GRAMD4: variants seen among roughly 807,000 people sequenced by gnomAD.
GRAMD4 encodes GRAM domain containing 4.
Under a neutral mutation model 83.9 loss-of-function variants are expected in GRAMD4, and 25 were observed. The observed-to-expected ratio is 0.30, with a 90% CI of 0.22 to 0.42. The LOEUF (loss-of-function observed/expected upper bound fraction) is 0.42, where lower values mean the gene tolerates loss of function less well. Among genes scored for constraint, GRAMD4 ranks in the 10% least tolerant of loss-of-function variants. GRAMD4 has a pLI of 1.00. For missense variants in GRAMD4, 593 were observed against 788.7 expected (o/e 0.75, Z 2.97); for synonymous variants, 336 against 320.9 (o/e 1.05, Z -0.50).
intron 6 of GRAMD4, 26 bp from the exon 7 acceptor site, chr22:46,663,812 C>T (rs1408822532): frequency 6.2e-7 from 1 of 1,612,262 alleles, no homozygotes; most frequent in East Asian, 2.2e-5. Flanking sequence ...TAACCCTGGG[C>T]TCCCATCTCT....
chr22:46,643,180 C>CATTT (rs2082011246), intron 3 of GRAMD4, among the ~76,000 whole-genome samples: 1 of 115,016 alleles, frequency 8.7e-6, no homozygotes, highest in African/African-American at 3.9e-5. Flanking sequence ...TCCATCCATC[C>CATTT]ATCCATCCAT....
chr22:46,648,213 G>T lies in GRAMD4; in HGVS notation c.284-9974G>T, dbSNP rs377337684. Among the ~76,000 whole-genome samples, 15 of 151,778 alleles carry T rather than the reference G, an allele frequency of 9.9e-5. No homozygotes were observed. The East Asian group carries it at 2.3e-3, about 24-fold the overall frequency. ...GGACATGTAGATGGATGGATGGGTG[G>T]GTGGATGGATGGATGGATCAGTGAG... On this transcript the variant is annotated intron_variant, in intron 3 of 18. Transcript: ENST00000406902.
In GRAMD4 at chr22:46,592,108, G is replaced by A. The variant is rs550281786; in HGVS notation, c.-50+14818G>A. On this transcript the variant is annotated intron_variant, in intron 1 of 1. Transcript: ENST00000431155. ...ACGGGAGTCGAGACCTCATCCTGAC[G>A]CCCAGCTCAGCAGGGCCACCGGGGC... Among the ~76,000 whole-genome samples the A allele has an allele frequency of 9.9e-5, 15 of 152,166 alleles. No homozygotes were observed. In the East Asian group the frequency reaches 1.4e-3, roughly 14 times the overall value.
rs1382089307 is a variant in GRAMD4 at position 46,678,509 on chromosome 22, G to A, written c.*1258G>A. On this transcript the variant is annotated 3_prime_UTR_variant, in exon 19 of 19. Transcript: ENST00000406902. The stretch of plus-strand genomic sequence containing the variant: ...TGGGGCCGCCTGCGCTGGGCTGAAG[G>A]GAGGGAAAGGCGGCTTGGGCCTCCT... The A allele has an allele frequency of 2.0e-6, 2 of 985,354 alleles. No individual in the cohort carries two copies. The highest frequency in any genetic ancestry group is 1.2e-4 in the Admixed American group (2 of 16,268). The allele number at this position is 985,354 out of a possible 1,614,324, so 61.0% of individuals were successfully genotyped here.
In GRAMD4 at chr22:46,659,668, C is replaced by T. The variant is rs115505720; in HGVS notation, c.404+1361C>T. ...GGGCTGACTCCCACTTCTTCCTTGC[C>T]CGCCTCCTGCAGGTCAGCATGACCT... On this transcript the variant is annotated intron_variant, in intron 4 of 18. Coordinates refer to ENST00000406902, the MANE Select transcript of GRAMD4 (RefSeq NM_015124.5). The surrounding 1 kb of genome is among the most constrained non-coding windows in gnomAD (Gnocchi z 4.1). Among the ~76,000 whole-genome samples the T allele has an allele frequency of 0.018, 2,753 of 152,166 alleles. 75 individuals are homozygous for T. Among genetic ancestry groups the T allele is most frequent in the African/African-American group, 0.063 (2,629 of 41,502 alleles).
intron 1 of GRAMD4, among the ~76,000 whole-genome samples, chr22:46,602,812 G>A (rs1341806002): frequency 1.4e-5 from 2 of 138,518 alleles, no homozygotes; most frequent in African/African-American, 5.5e-5. Context: ...GCTGGAGTGC[G>A]GCTCACTGCA....
intron 1 of GRAMD4, among the ~76,000 whole-genome samples, chr22:46,594,204 C>T (rs998028917): frequency 1.3e-5 from 2 of 151,632 alleles, no homozygotes; most frequent in Non-Finnish European, 2.9e-5. Flanking sequence ...CTCTGTGTGT[C>T]CTGTGCTCTC....
chr22:46,677,044 A>T, intron 18 of GRAMD4, 103 bp from the exon 19 acceptor site: 1 of 1,353,430 alleles, frequency 7.4e-7, no homozygotes, highest in Non-Finnish European at 1.0e-6. Context: ...GACCCACGTG[A>T]CTAGCGTGCT....
chr22:46,594,925 G>A (rs56996478), intron 1 of GRAMD4, among the ~76,000 whole-genome samples: 35,980 of 152,040 alleles, frequency 0.24, 5,663 homozygotes, highest in East Asian at 0.62. Context: ...GCCTGTGTCC[G>A]CTGCTGGTAA....
intron 1 of GRAMD4, among the ~76,000 whole-genome samples, chr22:46,603,430 C>T (rs1278460923): frequency 2.7e-5 from 4 of 150,392 alleles, no homozygotes; most frequent in Non-Finnish European, 5.9e-5. Context: ...AGGGTGGTCT[C>T]GATCTCCTGA....
rs1474084686 is a variant in GRAMD4 at position 46,661,283 on chromosome 22, T to G, written c.405-98T>G. The G allele has an allele frequency of 3.5e-6, 3 of 863,282 alleles. No individual in the cohort carries two copies. In the African/African-American group the frequency reaches 4.9e-5, roughly 14 times the overall value. The allele number at this position is 863,282 out of a possible 1,614,324, so 53.5% of individuals were successfully genotyped here. ...GAGCCCTGCTGTCCCTGACCTCTCCTGTGCAGTACACGGTCGCGAGAGCCC... is the reference window on the plus strand; with the variant it reads ...GAGCCCTGCTGTCCCTGACCTCTCCGGTGCAGTACACGGTCGCGAGAGCCC... On this transcript the variant is annotated intron_variant, in intron 4 of 18. Coordinates refer to ENST00000406902, the MANE Select transcript of GRAMD4 (RefSeq NM_015124.5).
At chr22:46,596,469 C>T (rs1395774070) in intron 1 of GRAMD4, among the ~76,000 whole-genome samples, 2 of 152,210 alleles carry the variant, frequency 1.3e-5, no homozygotes, top group East Asian at 1.9e-4. Flanking sequence ...GCAAGGGGCT[C>T]GAATGGCCTT....
At chr22:46,633,131 C>T (rs568794797) in intron 2 of GRAMD4, among the ~76,000 whole-genome samples, 2 of 152,332 alleles carry the variant, frequency 1.3e-5, no homozygotes, top group Admixed American at 6.5e-5. Flanking sequence ...CAGGGTGGCA[C>T]GGTCCAACTG....
At chr22:46,633,740 G>T (rs79550077) in intron 2 of GRAMD4, among the ~76,000 whole-genome samples, 4 of 152,238 alleles carry the variant, frequency 2.6e-5, no homozygotes, top group Non-Finnish European at 5.9e-5. Context: ...AGAATCCATT[G>T]TGGGAAAGGC....
At chr22:46,597,975 C>T (rs533354199) in intron 1 of GRAMD4, among the ~76,000 whole-genome samples, 8 of 151,760 alleles carry the variant, frequency 5.3e-5, no homozygotes, top group South Asian at 2.1e-4. Context: ...TTGGCATTGG[C>T]GGCCTTTTGT....
At position 46,622,110 on chromosome 22, in the gene GRAMD4, G is replaced by A. The variant is rs1046796383; in HGVS notation, c.-50+1545G>A. Among the ~76,000 whole-genome samples, 4 of 152,164 alleles carry A rather than the reference G, an allele frequency of 2.6e-5. No homozygotes were observed. The highest frequency in any genetic ancestry group is 2.6e-4 in the Admixed American group (4 of 15,284). ...GCATTGCATTCTGATGGTGACAGGC[G>A]GGACACTCAGGGCCTTTGTCCCCTC... is the stretch of plus-strand genomic sequence containing the variant. On this transcript the variant is annotated intron_variant, in intron 1 of 18. Coordinates refer to ENST00000406902, the MANE Select transcript of GRAMD4 (RefSeq NM_015124.5). The surrounding 1 kb of genome is among the most constrained non-coding windows in gnomAD (Gnocchi z 4.0).
intron 1 of GRAMD4, among the ~76,000 whole-genome samples, chr22:46,594,371 G>C (rs894204599): frequency 1.3e-5 from 2 of 152,136 alleles, no homozygotes; most frequent in African/African-American, 4.8e-5. Flanking sequence ...GGTGGGTATG[G>C]TGGGTGATGA....
chr22:46,654,445 G>A (rs937227022), intron 3 of GRAMD4, among the ~76,000 whole-genome samples: 6 of 152,334 alleles, frequency 3.9e-5, no homozygotes, highest in South Asian at 2.1e-4. Context: ...AGAGCCCGGC[G>A]TGTGATGATT....
At chr22:46,595,720 G>T (rs1355868058) in intron 1 of GRAMD4, among the ~76,000 whole-genome samples, 1 of 152,238 alleles carries the variant, frequency 6.6e-6, no homozygotes. Context: ...CGGCCGGTCA[G>T]GGGGCCAAGA....
Sources: gnomAD v4.1 joint callset for allele counts (sites outside exome capture counted in the v4.1 genomes callset) on GRCh38, gnomAD v4.1.1 for gene constraint, Gnocchi (gnomAD v3.1) non-coding constraint, MANE v1.5 for transcripts, NCBI Gene and HGNC (gene_info 2026-07-23, HGNC 2026-07-21) for gene names.